MAPDA: variants seen among roughly 807,000 people sequenced by gnomAD.
MAPDA encodes N6,N6-dimethyl-AMP deaminase.
At chr15:43,334,017 G>A in the MAPDA span, among the ~76,000 whole-genome samples, 13 of 152,242 alleles carry the variant, frequency 8.5e-5, no homozygotes, top group Non-Finnish European at 1.3e-4. Context: ...TGTCCTCAAG[G>A]AACTTACAGT....
At chr15:43,345,422 T>G in the MAPDA span, among the ~76,000 whole-genome samples, 8 of 149,316 alleles carry the variant, frequency 5.4e-5, no homozygotes, top group Admixed American at 4.0e-4. Context: ...ATCCAGACCA[T>G]GGAAAACTTT....
the MAPDA span, among the ~76,000 whole-genome samples, chr15:43,345,093 G>A: frequency 5.9e-5 from 9 of 151,984 alleles, no homozygotes; most frequent in Non-Finnish European, 8.8e-5. Flanking sequence ...GGTGGTTCAC[G>A]CCTGTAATCC....
chr15:43,343,115 C>T, the MAPDA span: 36 of 1,388,816 alleles, frequency 2.6e-5, no homozygotes, highest in South Asian at 4.4e-4. Context: ...TTTACAAAAC[C>T]AGAATGTGAA....
the MAPDA span, chr15:43,332,174 G>T: frequency 6.6e-6 from 1 of 152,188 alleles, no homozygotes; most frequent in African/African-American, 2.4e-5. Flanking sequence ...GCACCTGATG[G>T]CTTCTGTTTT....
the MAPDA span, chr15:43,351,334 A>C: frequency 6.7e-5 from 9 of 133,904 alleles, no homozygotes; most frequent in South Asian, 1.8e-4. Context: ...CTCACAAAGC[A>C]AAAAAAAAAA....
chr15:43,351,851 A>G, the MAPDA span: 26 of 1,551,730 alleles, frequency 1.7e-5, no homozygotes, highest in South Asian at 2.7e-4. Context: ...GATCTGTCTT[A>G]TGAATCCATC....
chr15:43,340,219 CT>C, the MAPDA span: 1 of 1,553,338 alleles, frequency 6.4e-7, no homozygotes, highest in Non-Finnish European at 8.8e-7. Flanking sequence ...CATTGGGACC[CT>C]TACCCAAACA....
At chr15:43,351,684 A>G in the MAPDA span, 1 of 1,440,148 alleles carries the variant, frequency 6.9e-7, no homozygotes, top group Non-Finnish European at 9.2e-7. Flanking sequence ...GACTCTAAAC[A>G]AAAAGATGGT....
the MAPDA span, among the ~76,000 whole-genome samples, chr15:43,342,488 C>T: frequency 2.0e-5 from 3 of 150,642 alleles, no homozygotes; most frequent in African/African-American, 7.3e-5. Context: ...GTGGCTCATA[C>T]CTGTAATCCC....
chr15:43,346,532 G>A, the MAPDA span, among the ~76,000 whole-genome samples: 1 of 152,246 alleles, frequency 6.6e-6, no homozygotes, highest in African/African-American at 2.4e-5. Context: ...ACATTGCCAA[G>A]TGTCCCCTGG....
At chr15:43,335,270 C>T in the MAPDA span, 5 of 1,279,670 alleles carry the variant, frequency 3.9e-6, no homozygotes, top group East Asian at 9.7e-5. Flanking sequence ...CGCAGTGGCT[C>T]ATGCCTGAAA....
At chr15:43,348,971 G>T in the MAPDA span, 44 of 1,614,122 alleles carry the variant, frequency 2.7e-5, no homozygotes, top group African/African-American at 5.6e-4. Context: ...ATCGGGCATG[G>T]AACATTTCTC....
chr15:43,331,794 GTCTAAATTA>G, the MAPDA span: 1 of 152,264 alleles, frequency 6.6e-6, no homozygotes, highest in Non-Finnish European at 1.5e-5. Context: ...GAGGTATCCA[GTCTAAATTA>G]TTATACTTTC....
the MAPDA span, among the ~76,000 whole-genome samples, chr15:43,347,440 C>T: frequency 1.3e-5 from 2 of 152,136 alleles, no homozygotes; most frequent in Non-Finnish European, 2.9e-5. Flanking sequence ...CTCACCTGTC[C>T]TCATAGTAGA....
the MAPDA span, chr15:43,349,481 G>T: frequency 6.7e-6 from 3 of 444,820 alleles, no homozygotes; most frequent in Non-Finnish European, 9.0e-6. Context: ...TGCCTACTTT[G>T]TTGTCATTGC....
chr15:43,347,915 C>T, the MAPDA span, among the ~76,000 whole-genome samples: 1 of 152,096 alleles, frequency 6.6e-6, no homozygotes, highest in South Asian at 2.1e-4. Flanking sequence ...TCTATGTTTC[C>T]ACACTCTTAA....
chr15:43,347,162 G>A, the MAPDA span: 1 of 1,301,150 alleles, frequency 7.7e-7, no homozygotes, highest in South Asian at 1.3e-5. Context: ...TCATTTGTAA[G>A]TGACTAGGAA....
chr15:43,348,982 A>G, the MAPDA span: 1 of 1,614,134 alleles, frequency 6.2e-7, no homozygotes. Context: ...AACATTTCTC[A>G]ACTCCGGTGA....
chr15:43,343,527 T>C, the MAPDA span, among the ~76,000 whole-genome samples: 2 of 152,204 alleles, frequency 1.3e-5, no homozygotes, highest in South Asian at 4.1e-4. Flanking sequence ...GGCTGGCTTC[T>C]TCTCATTATT....
Sources: allele counts gnomAD v4.1 joint callset (sites outside exome capture counted in the v4.1 genomes callset), GRCh38; gene constraint gnomAD v4.1.1; transcripts MANE v1.5; gene names NCBI Gene and HGNC (gene_info 2026-07-23, HGNC 2026-07-21).